Variants in ROBO1 observed in about 807,000 individuals in gnomAD.
The protein encoded by ROBO1 is roundabout homolog 1.
In ROBO1, 149 loss-of-function variants were observed where a neutral mutation model predicts 195.9. That is an observed-to-expected ratio of 0.76 (90% CI 0.67 to 0.87). The LOEUF (loss-of-function observed/expected upper bound fraction) is 0.87. ROBO1 is among the 40% of genes least tolerant of loss of function. ROBO1 has a pLI of 0.00. For missense variants in ROBO1, 1,933 were observed against 2,068.3 expected, an observed-to-expected ratio of 0.93 and a Z score of 1.27; for synonymous variants, 816 against 733.2, an observed-to-expected ratio of 1.11 and a Z score of -1.82.
chr3:79,490,598 C>T (rs1939400352), intron 2 of ROBO1, among the ~76,000 whole-genome samples: 1 of 152,116 alleles, frequency 6.6e-6, no homozygotes, highest in Non-Finnish European at 1.5e-5. Flanking sequence ...AGTTAAAAAC[C>T]TAAGTGTGAT....
chr3:78,851,088 G>A (rs1463808002), intron 4 of ROBO1, among the ~76,000 whole-genome samples: 1 of 152,106 alleles, frequency 6.6e-6, no homozygotes, highest in Non-Finnish European at 1.5e-5. Context: ...GATTACAGGT[G>A]TGAGCCACCA....
intron 1 of ROBO1, among the ~76,000 whole-genome samples, chr3:79,626,730 T>A (rs1331752822): frequency 6.6e-6 from 1 of 152,174 alleles, no homozygotes; most frequent in African/African-American, 2.4e-5. Context: ...GCAGATGACA[T>A]GATTTTATAT....
chr3:79,459,849 C>T (rs573157733), intron 2 of ROBO1, among the ~76,000 whole-genome samples: 161 of 152,148 alleles, frequency 1.1e-3, no homozygotes, highest in African/African-American at 3.7e-3. Flanking sequence ...ACCTGGCAGC[C>T]AGGCAAAGCA....
intron 2 of ROBO1, among the ~76,000 whole-genome samples, chr3:79,243,102 C>T (rs962056036): frequency 1.3e-5 from 2 of 150,100 alleles, no homozygotes; most frequent in African/African-American, 4.9e-5. Context: ...TTTGTCCTTG[C>T]GATAGTTTGC....
intron 2 of ROBO1, among the ~76,000 whole-genome samples, chr3:79,346,892 G>C (rs986716637): frequency 5.9e-5 from 9 of 151,578 alleles, no homozygotes; most frequent in African/African-American, 2.2e-4. Flanking sequence ...TTTACAGTTG[G>C]AATAGTTTTC....
intron 4 of ROBO1, among the ~76,000 whole-genome samples, chr3:78,826,253 G>A (rs138943576): frequency 1.6e-3 from 245 of 152,142 alleles, no homozygotes; most frequent in African/African-American, 5.4e-3. Context: ...AATATAGAAC[G>A]CACATTATAT....
chr3:79,574,989 A>G (rs1041965888), intron 2 of ROBO1, among the ~76,000 whole-genome samples: 2 of 150,378 alleles, frequency 1.3e-5, no homozygotes, highest in African/African-American at 4.9e-5. Flanking sequence ...ATTCTAGTAA[A>G]CATTTCAATA....
In ROBO1 at chr3:79,603,356, C is replaced by A. The variant is rs190100395; in HGVS notation, c.-50-13395G>T. Among the ~76,000 whole-genome samples the A allele has an allele frequency of 9.6e-4, 146 of 152,090 alleles. 1 individual carries two copies. Among genetic ancestry groups the A allele is most frequent in the African/African-American group, 3.4e-3 (143 of 41,530 alleles). ...AGCCAATCACATCCTTCTGGAAGAACCAAGGGCATCTCACCCTCTTGACAC... is the reference window on the plus strand; with the variant it reads ...AGCCAATCACATCCTTCTGGAAGAAACAAGGGCATCTCACCCTCTTGACAC... On this transcript the variant is annotated intron_variant, in intron 1 of 30. Transcript: ENST00000464233.
At chr3:78,665,311 G>A (rs940061725) in intron 14 of ROBO1, among the ~76,000 whole-genome samples, 1 of 152,144 alleles carries the variant, frequency 6.6e-6, no homozygotes, top group Non-Finnish European at 1.5e-5. Context: ...TCCGTCAGTC[G>A]GTTCAGATGG....
chr3:78,711,652 AT>A (rs146439600), intron 8 of ROBO1, among the ~76,000 whole-genome samples: 35,603 of 147,552 alleles, frequency 0.24, 4,390 homozygotes, highest in African/African-American at 0.27. Flanking sequence ...CGCCCAGCTA[AT>A]TTTTTTTGTA....
intron 2 of ROBO1, among the ~76,000 whole-genome samples, chr3:79,146,604 A>G (rs749816208): frequency 1.2e-4 from 18 of 151,938 alleles, no homozygotes; most frequent in Admixed American, 2.6e-4. Flanking sequence ...AAGTATGCAG[A>G]TATCTGTGGT....
At position 79,661,063 on chromosome 3, in the gene ROBO1, G is replaced by T. The variant is rs889466677; in HGVS notation, c.-50-71102C>A. ...TAAAAAGTAGATAGAGAGGCACAAA[G>T]GATGAACTTTGATGGACATTATGTT... is the stretch of plus-strand genomic sequence containing the variant. On this transcript the variant is annotated intron_variant, in intron 1 of 30. Coordinates refer to ENST00000464233, the MANE Select transcript of ROBO1 (RefSeq NM_002941.4). 4.6e-5 allele frequency among the ~76,000 whole-genome samples: 7 copies of T among 152,066 alleles called. No homozygotes were observed. The East Asian group carries it at 1.4e-3, about 30-fold the overall frequency.
rs58016604 is a variant in ROBO1, at chr3:79,633,353, CTTTTT to C, written c.-50-43397_-50-43393del. Among the ~76,000 whole-genome samples, 7 of 119,898 alleles carry C rather than the reference CTTTTT, an allele frequency of 5.8e-5. No homozygotes were observed. In the East Asian group the frequency reaches 9.6e-4, roughly 16 times the overall value. 78.7% of individuals were successfully genotyped at this position (119,898 alleles called of 152,430 possible). On this transcript the variant is annotated intron_variant, in intron 1 of 30. Coordinates refer to ENST00000464233, the MANE Select transcript of ROBO1 (RefSeq NM_002941.4). ...CACACCCAGCTAATTTTTTGCATTT[CTTTTT>C]TTTTTTTTTTTTGGAGAGATGGGGT...
At chr3:78,687,453 A>G (rs1307447657) in intron 9 of ROBO1, among the ~76,000 whole-genome samples, 1 of 152,190 alleles carries the variant, frequency 6.6e-6, no homozygotes, top group African/African-American at 2.4e-5. Context: ...TCCCTACCAA[A>G]TATTAAATGC....
intron 1 of ROBO1, among the ~76,000 whole-genome samples, chr3:79,610,867 G>T (rs1365844451): frequency 6.6e-6 from 1 of 151,972 alleles, no homozygotes; most frequent in Admixed American, 6.6e-5. Context: ...TGGAAAATAA[G>T]AACTCAAAAA....
chr3:79,499,649 C>T (rs900178532), intron 2 of ROBO1, among the ~76,000 whole-genome samples: 20 of 151,916 alleles, frequency 1.3e-4, no homozygotes, highest in African/African-American at 4.8e-4. Flanking sequence ...AAAACATTAA[C>T]AGAATAAGAA....
intron 2 of ROBO1, among the ~76,000 whole-genome samples, chr3:79,306,327 G>A (rs145477771): frequency 5.3e-5 from 8 of 152,144 alleles, no homozygotes; most frequent in African/African-American, 1.9e-4. Flanking sequence ...AATTCAGGGG[G>A]TTAGATTTCA....
At chr3:79,702,751 A>G (rs551473429) in intron 1 of ROBO1, among the ~76,000 whole-genome samples, 2 of 152,092 alleles carry the variant, frequency 1.3e-5, no homozygotes, top group Admixed American at 6.6e-5. Context: ...CAAACACTTA[A>G]TATTTGTGCT....
intron 4 of ROBO1, among the ~76,000 whole-genome samples, chr3:78,805,363 G>A (rs1219813045): frequency 3.3e-5 from 5 of 151,944 alleles, no homozygotes; most frequent in Non-Finnish European, 7.4e-5. Context: ...CAAACCACAT[G>A]AGAAAGTCAC....
Sources: allele counts gnomAD v4.1 joint callset (sites outside exome capture counted in the v4.1 genomes callset), GRCh38; gene constraint gnomAD v4.1.1; transcripts MANE v1.5; gene names NCBI Gene and HGNC (gene_info 2026-07-23, HGNC 2026-07-21).